UNC5C: variants seen among roughly 807,000 people sequenced by gnomAD.
UNC5C encodes unc-5 netrin receptor C.
UNC5C carries 47 observed loss-of-function variants against 99.8 expected under a neutral mutation model. The ratio of observed to expected loss-of-function variants is 0.47; its 90% CI spans 0.37 to 0.60. The LOEUF (loss-of-function observed/expected upper bound fraction) is 0.60, where lower values mean the gene tolerates loss of function less well. Among genes scored for constraint, UNC5C ranks in the 20% least tolerant of loss-of-function variants. The pLI, the probability that UNC5C is intolerant of heterozygous loss-of-function variation, is 0.00. For missense variants in UNC5C, 1,062 were observed against 1,165.9 expected, an observed-to-expected ratio of 0.91 and a Z score of 1.30; for synonymous variants, 487 against 452.2, an observed-to-expected ratio of 1.08 and a Z score of -0.98.
chr4:95,436,686 A>G (rs1746802470), intron 1 of UNC5C, among the ~76,000 whole-genome samples: 1 of 152,008 alleles, frequency 6.6e-6, no homozygotes, highest in African/African-American at 2.4e-5. Context: ...TTGCTAATAT[A>G]TATAAGAATA....
Position 95,202,948 on chromosome 4 carries a change from C to T in UNC5C, c.1919G>A (p.Gly640Glu), listed in dbSNP as rs1432356553. ...QGQWEDVVVV[G>E]EENFTTPCYI... ...GCAGGGGGTGGTGAAGTTTTCCTCC[C>T]CGACCACCACCACATCCTGGGGGAC... Residue 640 changes from glycine (G) to glutamate (E), a missense_variant, in exon 12 of 16, where the codon GGG becomes GAG. Physicochemically the swap from Gly to Glu is moderately conservative, Grantham distance 98 (BLOSUM62 -2). Coordinates refer to ENST00000453304, the MANE Select transcript of UNC5C (RefSeq NM_003728.4). 3.1e-6 allele frequency: 5 copies of T among 1,614,070 alleles called. No homozygotes were observed. The Admixed American group carries it at 8.3e-5, about 27-fold the overall frequency.
intron 14 of UNC5C, among the ~76,000 whole-genome samples, chr4:95,173,033 C>T (rs1415697103): frequency 4.2e-4 from 64 of 151,636 alleles, no homozygotes; most frequent in Non-Finnish European, 5.3e-4. Flanking sequence ...ATGATTTGGC[C>T]CTCTGTTTGT....
At chr4:95,197,196 A>ATAAAAAG (rs1486376801) in intron 12 of UNC5C, among the ~76,000 whole-genome samples, 1 of 149,242 alleles carries the variant, frequency 6.7e-6, no homozygotes, top group African/African-American at 2.5e-5. Flanking sequence ...TATAATAATA[A>ATAAAAAG]TAAAAAGTGA....
chr4:95,456,695 G>A (rs1019205542), intron 1 of UNC5C, among the ~76,000 whole-genome samples: 1 of 152,084 alleles, frequency 6.6e-6, no homozygotes, highest in African/African-American at 2.4e-5. Flanking sequence ...AGAAGGTGAA[G>A]TTATGTACCA....
At position 95,163,759 on chromosome 4, in the gene UNC5C, C is replaced by G. The variant is rs1357375103; in HGVS notation, c.*5475G>C. ...TCAGGGTAGCTTCCTTGTTTCTACT[C>G]AGAAGCTAGTTGGGCCACAACTGTC... On this transcript the variant is annotated 3_prime_UTR_variant, in exon 16 of 16. Transcript: ENST00000453304. 1 of 152,160 alleles carries G rather than the reference C, an allele frequency of 6.6e-6. No homozygotes were observed. The highest frequency in any genetic ancestry group is 6.5e-5 in the Admixed American group (1 of 15,284). 9.4% of individuals were successfully genotyped at this position (152,160 alleles called of 1,614,324 possible).
chr4:95,266,371 G>A (rs1205825091), intron 4 of UNC5C, among the ~76,000 whole-genome samples: 1 of 152,200 alleles, frequency 6.6e-6, no homozygotes, highest in Non-Finnish European at 1.5e-5. Flanking sequence ...GACGCCTTCA[G>A]TCTGGTACAG....
intron 1 of UNC5C, among the ~76,000 whole-genome samples, chr4:95,461,269 T>C (rs1747591565): frequency 6.6e-6 from 1 of 152,278 alleles, no homozygotes; most frequent in East Asian, 1.9e-4. Context: ...ATTCTTCCCA[T>C]GAAGTTAAGA....
At chr4:95,345,873 T>G (rs548278062) in intron 1 of UNC5C, among the ~76,000 whole-genome samples, 7 of 152,070 alleles carry the variant, frequency 4.6e-5, no homozygotes, top group African/African-American at 1.7e-4. Flanking sequence ...GAGGAAATTA[T>G]AGCTTTAAGT....
chr4:95,335,785 G>C (rs976283297), intron 1 of UNC5C, among the ~76,000 whole-genome samples, 154 bp from the exon 2 acceptor site: 1 of 151,880 alleles, frequency 6.6e-6, no homozygotes, highest in Non-Finnish European at 1.5e-5. Context: ...CTATTGACTG[G>C]TCATTTAAGG....
chr4:95,392,679 G>A (rs1179717777), intron 1 of UNC5C, among the ~76,000 whole-genome samples: 13 of 151,932 alleles, frequency 8.6e-5, no homozygotes, highest in Admixed American at 4.6e-4. Context: ...AACTTCAAGT[G>A]ATCCTCCCTC....
At chr4:95,314,934 G>A (rs1248711154) in intron 2 of UNC5C, among the ~76,000 whole-genome samples, 1 of 152,134 alleles carries the variant, frequency 6.6e-6, no homozygotes. Flanking sequence ...TTGTCACATA[G>A]TAAATTCATC....
chr4:95,348,365 A>G (rs571191214), intron 1 of UNC5C, among the ~76,000 whole-genome samples: 7 of 151,906 alleles, frequency 4.6e-5, no homozygotes, highest in Middle Eastern at 3.4e-3. Flanking sequence ...GGTTCCCCAA[A>G]AAACTAAAAA....
intron 1 of UNC5C, among the ~76,000 whole-genome samples, chr4:95,544,975 G>A (rs1294351473): frequency 6.6e-6 from 1 of 152,236 alleles, no homozygotes. Context: ...CACACTTGCT[G>A]TTGGCACTAA....
intron 14 of UNC5C, among the ~76,000 whole-genome samples, chr4:95,177,715 G>A (rs944230678): frequency 1.3e-5 from 2 of 152,104 alleles, no homozygotes; most frequent in Non-Finnish European, 2.9e-5. Flanking sequence ...TCATGTGGTA[G>A]GAGGGGCATT....
chr4:95,530,327 T>A (rs777111532), intron 1 of UNC5C, among the ~76,000 whole-genome samples: 4 of 152,176 alleles, frequency 2.6e-5, no homozygotes, highest in Non-Finnish European at 4.4e-5. Context: ...GCTAAGCACA[T>A]CTGGTAATGA....
chr4:95,323,910 T>A (rs1419335788), intron 2 of UNC5C, among the ~76,000 whole-genome samples: 1 of 151,900 alleles, frequency 6.6e-6, no homozygotes, highest in Non-Finnish European at 1.5e-5. Context: ...GTGGCACACA[T>A]CTGTAGTCCC....
intron 2 of UNC5C, among the ~76,000 whole-genome samples, chr4:95,311,580 C>T (rs1028629478): frequency 1.3e-5 from 2 of 152,058 alleles, no homozygotes; most frequent in Non-Finnish European, 2.9e-5. Flanking sequence ...TGCCTGTTAA[C>T]GAAAGTGGGG....
At chr4:95,229,017 C>A (rs1407663043) in intron 7 of UNC5C, among the ~76,000 whole-genome samples, 2 of 152,012 alleles carry the variant, frequency 1.3e-5, no homozygotes, top group African/African-American at 2.4e-5. Context: ...TGGCATAAAA[C>A]CCTATAAGTA....
chr4:95,539,554 T>C (rs568641517), intron 1 of UNC5C, among the ~76,000 whole-genome samples: 105 of 152,332 alleles, frequency 6.9e-4, no homozygotes, highest in Admixed American at 3.8e-3. Context: ...AAAAGTTTTT[T>C]CCATTGGTTT....
Sources: allele counts gnomAD v4.1 joint callset (sites outside exome capture counted in the v4.1 genomes callset), GRCh38; gene constraint gnomAD v4.1.1; transcripts MANE v1.5; gene names NCBI Gene and HGNC (gene_info 2026-07-23, HGNC 2026-07-21).